Variants in ADGRB3 observed in about 807,000 individuals in gnomAD.
ADGRB3 encodes the protein brain-specific angiogenesis inhibitor 3.
A neutral mutation model predicts 193.4 loss-of-function variants in ADGRB3; 37 were observed. That is an observed-to-expected ratio of 0.19 (90% CI 0.15 to 0.25). The LOEUF (loss-of-function observed/expected upper bound fraction) is 0.25. ADGRB3 is among the 10% of genes least tolerant of loss of function. The probability of loss-of-function intolerance (pLI) is 1.00; values close to 1 mark genes in which losing one functional copy is unlikely to be tolerated. For synonymous variants in ADGRB3, 690 were observed against 644.2 expected, an observed-to-expected ratio of 1.07 and a Z score of -1.08; for missense variants, 1,637 against 1,852.9, an observed-to-expected ratio of 0.88 and a Z score of 2.14.
chr6:68,964,998 C>T (rs1297754889), intron 8 of ADGRB3, among the ~76,000 whole-genome samples: 3 of 152,146 alleles, frequency 2.0e-5, no homozygotes, highest in Admixed American at 2.0e-4. Context: ...AGCTTAGTGG[C>T]CTCAGGCTAA....
chr6:69,079,377 C>A (rs1035421925), intron 17 of ADGRB3, among the ~76,000 whole-genome samples: 1 of 152,010 alleles, frequency 6.6e-6, no homozygotes, highest in Non-Finnish European at 1.5e-5. Context: ...ATTCAACACC[C>A]CTTCATGCTA....
At chr6:68,780,623 C>T (rs948234784) in intron 3 of ADGRB3, among the ~76,000 whole-genome samples, 1 of 152,036 alleles carries the variant, frequency 6.6e-6, no homozygotes, top group South Asian at 2.1e-4. Flanking sequence ...ACAGTCCTTA[C>T]GAGGCTATAA....
intron 3 of ADGRB3, among the ~76,000 whole-genome samples, chr6:68,900,818 G>C (rs1766375221): frequency 6.6e-6 from 1 of 152,066 alleles, no homozygotes; most frequent in East Asian, 1.9e-4. Flanking sequence ...AAGGAACAGT[G>C]CTTCTCCTTA....
chr6:68,801,049 TTC>T (rs1767301267), intron 3 of ADGRB3, among the ~76,000 whole-genome samples: 1 of 152,190 alleles, frequency 6.6e-6, no homozygotes, highest in South Asian at 2.1e-4. Flanking sequence ...CAAATTTAAT[TTC>T]TCCAGCTCCA....
chr6:69,308,815 G>T (rs918764869), intron 20 of ADGRB3, among the ~76,000 whole-genome samples: 2 of 151,456 alleles, frequency 1.3e-5, no homozygotes, highest in East Asian at 3.9e-4. Flanking sequence ...TCCAGCCATC[G>T]TGTAAACATT....
intron 30 of ADGRB3, among the ~76,000 whole-genome samples, chr6:69,376,969 T>G (rs1769838326): frequency 6.6e-6 from 1 of 152,096 alleles, no homozygotes; most frequent in Non-Finnish European, 1.5e-5. Context: ...CTAGTTTCTT[T>G]TAAACTCTGG....
At chr6:69,322,604 G>A (rs1364498999) in intron 20 of ADGRB3, among the ~76,000 whole-genome samples, 3 of 151,828 alleles carry the variant, frequency 2.0e-5, no homozygotes, top group Admixed American at 6.6e-5. Context: ...TCTCTTAATG[G>A]TCAGTGATGT....
intron 3 of ADGRB3, among the ~76,000 whole-genome samples, chr6:68,767,541 C>G (rs1766532834): frequency 6.6e-6 from 1 of 152,078 alleles, no homozygotes; most frequent in Non-Finnish European, 1.5e-5. Flanking sequence ...GATCGTATCT[C>G]AAAATAATAA....
At chr6:69,331,204 G>A (rs1028536382) in intron 23 of ADGRB3, among the ~76,000 whole-genome samples, 1 of 152,056 alleles carries the variant, frequency 6.6e-6, no homozygotes, top group Non-Finnish European at 1.5e-5. Context: ...ATTCCCATAT[G>A]TTATAGATAA....
intron 17 of ADGRB3, among the ~76,000 whole-genome samples, chr6:69,090,777 C>T (rs989964963): frequency 1.3e-5 from 2 of 152,104 alleles, no homozygotes; most frequent in East Asian, 1.9e-4. Flanking sequence ...ATATCTTGAT[C>T]GTTTGGATTG....
chr6:68,796,112 G>A (rs1323413220), intron 3 of ADGRB3, among the ~76,000 whole-genome samples: 1 of 151,972 alleles, frequency 6.6e-6, no homozygotes. Context: ...CTTGGTTTTT[G>A]AATTTCATCC....
intron 19 of ADGRB3, among the ~76,000 whole-genome samples, chr6:69,238,918 C>A (rs1020888460): frequency 6.6e-6 from 1 of 151,888 alleles, no homozygotes; most frequent in Non-Finnish European, 1.5e-5. Flanking sequence ...TTCTAAAGGA[C>A]GCTTGCACAT....
Position 69,014,169 on chromosome 6 carries a change from A to T in ADGRB3, c.1998+63A>T, listed in dbSNP as rs933787813. On this transcript the variant is annotated intron_variant, in intron 12 of 31. Coordinates refer to ENST00000370598, the MANE Select transcript of ADGRB3 (RefSeq NM_001704.3). ...AACAAAGTGTAAAAAATATGTGACT[A>T]AATTAATGGCTTGCTATTTCAGGAA... 5.8e-5 allele frequency: 69 copies of T among 1,180,458 alleles called. No individual in the cohort carries two copies. The Admixed American group carries it at 6.3e-4, about 11-fold the overall frequency. The allele number at this position is 1,180,458 out of a possible 1,614,324, so 73.1% of individuals were successfully genotyped here.
chr6:68,883,890 C>G (rs1008229210), intron 3 of ADGRB3, among the ~76,000 whole-genome samples: 2 of 152,142 alleles, frequency 1.3e-5, no homozygotes, highest in Non-Finnish European at 2.9e-5. Flanking sequence ...TGTATCTCAT[C>G]AATTTAATTA....
At chr6:68,994,685 G>A (rs1769334881) in intron 11 of ADGRB3, among the ~76,000 whole-genome samples, 1 of 152,108 alleles carries the variant, frequency 6.6e-6, no homozygotes, top group Non-Finnish European at 1.5e-5. Flanking sequence ...TAGATTCAAA[G>A]GTACTTCTAC....
chr6:68,769,090 G>T (rs1766567167), intron 3 of ADGRB3, among the ~76,000 whole-genome samples: 1 of 152,148 alleles, frequency 6.6e-6, no homozygotes, highest in African/African-American at 2.4e-5. Flanking sequence ...CACTGTTGGT[G>T]GGAATGTAAA....
chr6:69,156,469 T>C lies in ADGRB3; in HGVS notation c.2481-76821T>C, dbSNP rs1774843067. 2.0e-5 allele frequency among the ~76,000 whole-genome samples: 3 copies of C among 152,146 alleles called. No individual in the cohort carries two copies. The South Asian group carries it at 6.2e-4, about 32-fold the overall frequency. The stretch of plus-strand genomic sequence containing the variant: ...GGCCCTCAGGCAGGAAACAGCTTGA[T>C]GTGGCAAAGAATGAGACAAGATTTA... On this transcript the variant is annotated intron_variant, in intron 17 of 31. Transcript: ENST00000370598.
At chr6:68,891,129 G>T (rs1345376581) in intron 3 of ADGRB3, among the ~76,000 whole-genome samples, 2 of 152,152 alleles carry the variant, frequency 1.3e-5, no homozygotes, top group South Asian at 2.1e-4. Flanking sequence ...GGCAAAGAGA[G>T]AATTTGTGCA....
Position 69,032,900 on chromosome 6 carries a change from G to A in ADGRB3, c.2107+14401G>A, listed in dbSNP as rs62416772. On this transcript the variant is annotated intron_variant, in intron 13 of 31. Coordinates refer to ENST00000370598, the MANE Select transcript of ADGRB3 (RefSeq NM_001704.3). ...CTCCTGTATAGTTGTCAAGATTAAA[G>A]GTAACATATATTTAGCACATACAAA... Among the ~76,000 whole-genome samples the A allele has an allele frequency of 2.4e-3, 362 of 152,128 alleles. 2 individuals are homozygous for A. Among genetic ancestry groups the A allele is most frequent in the Non-Finnish European group, 3.9e-3 (263 of 67,982 alleles).
Sources: gnomAD v4.1 joint callset for allele counts (sites outside exome capture counted in the v4.1 genomes callset) on GRCh38, gnomAD v4.1.1 for gene constraint, MANE v1.5 for transcripts, NCBI Gene and HGNC (gene_info 2026-07-23, HGNC 2026-07-21) for gene names.